The following MDN1 variants were observed in gnomAD, a reference collection of about 807,000 sequenced individuals.
MDN1 encodes midasin AAA ATPase 1, also known as midasin.
MDN1 carries 266 observed loss-of-function variants against 669.2 expected under a neutral mutation model. The ratio of observed to expected loss-of-function variants is 0.40; its 90% CI spans 0.36 to 0.44. MDN1 has a LOEUF of 0.44. MDN1 is among the 20% of genes least tolerant of loss of function. The pLI, the probability that MDN1 is intolerant of heterozygous loss-of-function variation, is 1.00. For missense variants in MDN1, 5,940 were observed against 6,754.0 expected (o/e 0.88, Z 4.22); for synonymous variants, 2,385 against 2,457.1 (o/e 0.97, Z 0.87).
intron 38 of MDN1, among the ~76,000 whole-genome samples, chr6:89,723,833 G>C (rs762385105): frequency 1.3e-5 from 2 of 151,994 alleles, no homozygotes; most frequent in Non-Finnish European, 2.9e-5. Flanking sequence ...TTGTTTTTAA[G>C]GTCTATTCTA....
chr6:89,785,271 C>T, intron 8 of MDN1, 145 bp from the exon 9 acceptor site: 1 of 605,440 alleles, frequency 1.7e-6, no homozygotes. Flanking sequence ...CACTGTTGGG[C>T]TTACAGGGCA....
chr6:89,793,713 A>T, intron 5 of MDN1, 49 bp downstream of exon 5: 1 of 1,480,772 alleles, frequency 6.8e-7, no homozygotes, highest in Non-Finnish European at 9.2e-7. Context: ...GAGCACACTC[A>T]GTGTTTAGTA....
At chr6:89,717,409 C>T (rs1211781221) in intron 43 of MDN1, among the ~76,000 whole-genome samples, 1 of 152,194 alleles carries the variant, frequency 6.6e-6, no homozygotes, top group Admixed American at 6.5e-5. Flanking sequence ...CACTTGCTAA[C>T]TGTAAAACTG....
chr6:89,796,454 T>C (rs1364872427), intron 2 of MDN1, among the ~76,000 whole-genome samples: 2 of 150,204 alleles, frequency 1.3e-5, no homozygotes, highest in Non-Finnish European at 3.0e-5. Flanking sequence ...AAAAACCTCC[T>C]ACCAAAGAAA....
Position 89,685,735 on chromosome 6 carries a change from C to A in MDN1, c.11719+92G>T, listed in dbSNP as rs1434856966. The A allele has an allele frequency of 1.0e-5, 14 of 1,344,364 alleles. No individual in the cohort carries two copies. In the South Asian group the frequency reaches 1.3e-4, roughly 12 times the overall value. 83.3% of individuals were successfully genotyped at this position (1,344,364 alleles called of 1,614,324 possible). A position where few individuals can be genotyped will look rare whatever the true frequency, so the allele number is the denominator to read the frequency against. ...TAAATGTGTCTTGTTTAAAACCTAG[C>A]GTGCAACAAGGCACCTGTCTCATGC... On this transcript the variant is annotated intron_variant, in intron 70 of 101. Transcript: ENST00000369393.
At chr6:89,702,152 A>T (rs756331672) in intron 53 of MDN1, 91 bp from the exon 54 acceptor site, 96 of 1,272,340 alleles carry the variant, frequency 7.5e-5, no homozygotes, top group Non-Finnish European at 9.6e-5. Flanking sequence ...CTGCTCACCA[A>T]CATCTCCCGG....
At chr6:89,726,482 G>C (rs895105728) in intron 37 of MDN1, among the ~76,000 whole-genome samples, 4 of 90,952 alleles carry the variant, frequency 4.4e-5, no homozygotes, top group Non-Finnish European at 9.3e-5. Context: ...AAGAAAAATA[G>C]AAAAAAAAAA....
intron 71 of MDN1, 127 bp from the exon 72 acceptor site, chr6:89,684,031 C>G: frequency 1.4e-6 from 1 of 694,990 alleles, no homozygotes; most frequent in Non-Finnish European, 2.4e-6. Flanking sequence ...TGTCAGTGAA[C>G]AAGTAAAACA....
chr6:89,718,967 G>C lies in MDN1; in HGVS notation c.6121C>G (p.Leu2041Val). The change falls in exon 42 of 102, where the codon CTC becomes GTC. Residue 2041 changes from leucine to valine, a missense_variant. Coordinates refer to ENST00000369393, the MANE Select transcript of MDN1 (RefSeq NM_014611.3). Reference sequence around the variant, plus strand: ...AGGGGTTGGAATGACTGGTGCAGGAGCAACAGGGGATGGCGGGACGGGTGA... The same window carrying C: ...AGGGGTTGGAATGACTGGTGCAGGACCAACAGGGGATGGCGGGACGGGTGA... ...VPHPSRHPLLLLHQSFQPLES... is the reference protein window; with the variant it reads ...VPHPSRHPLLVLHQSFQPLES... 1 of 1,614,180 alleles carries C rather than the reference G, an allele frequency of 6.2e-7. No individual in the cohort carries two copies. The highest frequency in any genetic ancestry group is 8.5e-7 in the Non-Finnish European group (1 of 1,180,028).
chr6:89,746,607 AAAAAAAAGAAAG>A (rs1235623643), intron 27 of MDN1, among the ~76,000 whole-genome samples: 74 of 72,282 alleles, frequency 1.0e-3, no homozygotes, highest in Middle Eastern at 5.1e-3. Context: ...AAAAAAAAAA[AAAAAAAAGAAAG>A]AAAGAAAGAA....
chr6:89,675,668 G>T, intron 77 of MDN1, 89 bp from the exon 78 acceptor site: 1 of 1,052,394 alleles, frequency 9.5e-7, no homozygotes, highest in African/African-American at 1.6e-5. Flanking sequence ...TACTATAAGC[G>T]TCAGACATGC....
intron 83 of MDN1, among the ~76,000 whole-genome samples, chr6:89,670,170 A>ATATATATATATATTTTTTT (rs1444537561): frequency 4.3e-5 from 1 of 23,410 alleles, no homozygotes; most frequent in Non-Finnish European, 6.1e-5. Flanking sequence ...ATATATATAT[A>ATATATATATATATTTTTTT]TTTTTTTTTT....
intron 91 of MDN1, 112 bp downstream of exon 91, chr6:89,656,588 A>C (rs2273242): frequency 0.029 from 25,804 of 882,982 alleles, 1,670 homozygotes; most frequent in African/African-American, 0.21. Context: ...ATGCAACAAC[A>C]ACAAAAAAAC....
Position 89,694,102 on chromosome 6 carries a change from C to G in MDN1, c.9853G>C (p.Val3285Leu). The G allele has an allele frequency of 6.2e-7, 1 of 1,614,152 alleles. No individual in the cohort carries two copies. Among genetic ancestry groups the G allele is most frequent in the Non-Finnish European group, 8.5e-7 (1 of 1,179,990 alleles). Residue 3285 changes from valine to leucine, a missense_variant, in exon 62 of 102, where the codon GTT (valine) becomes CTT (leucine). Physicochemically the swap from Val to Leu is conservative, Grantham distance 32. Transcript: ENST00000369393. ...QTGRDLEDEV[V>L]VSYSHPHVRL... The stretch of plus-strand genomic sequence containing the variant: ...ACGTGAGGATGAGAGTAGCTGACAA[C>G]GACTTCATCTTCCAGGTCTCTTCCA...
At chr6:89,740,083 A>C in intron 32 of MDN1, 151 bp downstream of exon 32, 1 of 853,608 alleles carries the variant, frequency 1.2e-6, no homozygotes, top group Non-Finnish European at 1.7e-6. Context: ...CTAACCCAAT[A>C]ATTATTTTAA....
rs907466331 is a variant in MDN1, at chr6:89,751,238, C to G, written c.3227+193G>C. The G allele has an allele frequency of 5.7e-5, 32 of 563,874 alleles. 1 individual carries two copies. In the Middle Eastern group the frequency reaches 2.2e-3, roughly 39 times the overall value. The allele number at this position is 563,874 out of a possible 1,614,324, so 34.9% of individuals were successfully genotyped here. A position where few individuals can be genotyped will look rare whatever the true frequency, so the allele number is the denominator to read the frequency against. On this transcript the variant is annotated intron_variant, in intron 23 of 101. Transcript: ENST00000369393. ...TAAAATCATCTGCATCCATAGTGCTCCCTCCAAAGTTGCACAACTAGAAAC... is the reference window on the plus strand; with the variant it reads ...TAAAATCATCTGCATCCATAGTGCTGCCTCCAAAGTTGCACAACTAGAAAC...
intron 18 of MDN1, 30 bp from the exon 19 acceptor site, chr6:89,758,381 A>G: frequency 6.5e-7 from 1 of 1,544,758 alleles, no homozygotes; most frequent in Non-Finnish European, 8.9e-7. Flanking sequence ...AATTCTCAAC[A>G]AAGGTATGAT....
chr6:89,722,860 A>T (rs957075275), intron 40 of MDN1, 95 bp downstream of exon 40: 8 of 1,164,888 alleles, frequency 6.9e-6, no homozygotes, highest in African/African-American at 6.3e-5. Flanking sequence ...AAAAAAAAAA[A>T]AAAAAAAGGC....
Position 89,687,376 on chromosome 6 carries a change from C to G in MDN1, c.11418G>C (p.Gln3806His). The change falls in exon 68 of 102, where the codon CAG becomes CAC. Residue 3806 changes from glutamine to histidine, a missense_variant. Physicochemically the swap from Gln to His is conservative, Grantham distance 24. Coordinates refer to ENST00000369393, the MANE Select transcript of MDN1 (RefSeq NM_014611.3). ...SLRKHLDLIS[Q>H]MIIRWRKLEL... The stretch of plus-strand genomic sequence containing the variant: ...CCAGTTTACGCCACCGAATGATCAT[C>G]TGACTGATCAAATCAAGATGTTTCC... 2 of 1,614,122 alleles carry G rather than the reference C, an allele frequency of 1.2e-6. No individual in the cohort carries two copies. The highest frequency in any genetic ancestry group is 1.7e-6 in the Non-Finnish European group (2 of 1,180,002).
Sources: gnomAD v4.1 joint callset for allele counts (sites outside exome capture counted in the v4.1 genomes callset) on GRCh38, gnomAD v4.1.1 for gene constraint, MANE v1.5 for transcripts, NCBI Gene and HGNC (gene_info 2026-07-23, HGNC 2026-07-21) for gene names.